Variants in CASD1 observed in about 807,000 individuals in gnomAD.
CASD1 encodes N-acetylneuraminate (7)9-O-acetyltransferase.
A neutral mutation model predicts 100.0 loss-of-function variants in CASD1; 41 were observed. The ratio of observed to expected loss-of-function variants is 0.41; its 90% CI spans 0.32 to 0.53. The LOEUF (loss-of-function observed/expected upper bound fraction) is 0.53, where lower values mean the gene tolerates loss of function less well. CASD1 is among the 20% of genes least tolerant of loss of function. The pLI, the probability that CASD1 is intolerant of heterozygous loss-of-function variation, is 0.25. For synonymous variants in CASD1, 321 were observed against 315.6 expected, an observed-to-expected ratio of 1.02 and a Z score of -0.18; for missense variants, 774 against 948.7, an observed-to-expected ratio of 0.82 and a Z score of 2.42.
intron 16 of CASD1, 45 bp downstream of exon 16, chr7:94,552,472 A>G (rs1241300870): frequency 2.1e-6 from 3 of 1,463,040 alleles, no homozygotes; most frequent in Non-Finnish European, 2.8e-6. Context: ...AATTCTTGAT[A>G]AGAAAATGGT....
chr7:94,513,837 C>A (rs1447402466), intron 1 of CASD1, among the ~76,000 whole-genome samples: 1 of 152,072 alleles, frequency 6.6e-6, no homozygotes, highest in Non-Finnish European at 1.5e-5. Flanking sequence ...ATTTCATGTT[C>A]TAATCTCAAT....
chr7:94,630,705 C>T, the CASD1 span, among the ~76,000 whole-genome samples: 2 of 151,860 alleles, frequency 1.3e-5, no homozygotes, highest in South Asian at 4.1e-4. Context: ...GTCACTTCTA[C>T]GATCTCTTTT....
Position 94,537,598 on chromosome 7 carries a change from A to G in CASD1, c.970A>G (p.Ile324Val), listed in dbSNP as rs772250342. 3.7e-6 allele frequency: 6 copies of G among 1,613,696 alleles called. No homozygotes were observed. Among genetic ancestry groups the G allele is most frequent in the Non-Finnish European group, 4.2e-6 (5 of 1,179,838 alleles). The change falls in exon 9 of 18, where the codon ATT becomes GTT. Residue 324 changes from isoleucine to valine, a missense_variant. By Grantham distance (29) the Ile-to-Val change is conservative. Transcript: ENST00000297273. ...KLAACFFTLSIIGYLIFYIIH... is the reference protein window; with the variant it reads ...KLAACFFTLSVIGYLIFYIIH... ...AGCTGCTTGTTTTTTCACTTTATCT[A>G]TTATCGGATATTTAATTTTTTACAT...
intron 3 of CASD1, among the ~76,000 whole-genome samples, chr7:94,521,405 G>A (rs1309871092): frequency 6.6e-6 from 1 of 152,150 alleles, no homozygotes; most frequent in Non-Finnish European, 1.5e-5. Context: ...TGCACTTAGT[G>A]AAAAGACAGA....
the CASD1 span, chr7:94,603,564 C>T: frequency 1.0e-6 from 1 of 974,128 alleles, no homozygotes; most frequent in Non-Finnish European, 1.6e-6. Context: ...TAACTAGACT[C>T]ATCCCTGAGG....
At chr7:94,628,266 T>C in the CASD1 span, 1 of 1,610,300 alleles carries the variant, frequency 6.2e-7, no homozygotes, top group East Asian at 2.2e-5. Flanking sequence ...TCCATCACTA[T>C]ATGGTGTCCT....
At chr7:94,529,434 CATT>C (rs1414618563) in intron 5 of CASD1, among the ~76,000 whole-genome samples, 3 of 152,092 alleles carry the variant, frequency 2.0e-5, no homozygotes, top group African/African-American at 7.2e-5. Context: ...TTGTAAAACT[CATT>C]ATGGTTGTTG....
chr7:94,510,287 C>T (rs1793626127), intron 1 of CASD1, 70 bp downstream of exon 1: 4 of 1,194,970 alleles, frequency 3.3e-6, no homozygotes, highest in Middle Eastern at 6.1e-4. Context: ...GGAGGCCGCC[C>T]CCATCGCCCA....
chr7:94,547,559 A>G (rs1057051303), intron 13 of CASD1, among the ~76,000 whole-genome samples: 1 of 151,942 alleles, frequency 6.6e-6, no homozygotes, highest in Non-Finnish European at 1.5e-5. Context: ...TTCCATAACT[A>G]CATAGAGTAA....
intron 16 of CASD1, chr7:94,553,125 G>A (rs1182331009): frequency 6.3e-6 from 3 of 474,580 alleles, no homozygotes; most frequent in Admixed American, 2.4e-5. Context: ...CTTTGTTTAG[G>A]TCTCACATTC....
chr7:94,566,045 T>C, the CASD1 span, among the ~76,000 whole-genome samples: 1 of 152,180 alleles, frequency 6.6e-6, no homozygotes, highest in Non-Finnish European at 1.5e-5. Flanking sequence ...CCATGCCCAG[T>C]CATTGGCTGG....
At chr7:94,531,864 C>T (rs71562860) in intron 5 of CASD1, among the ~76,000 whole-genome samples, 12,008 of 151,922 alleles carry the variant, frequency 0.079, 717 homozygotes, top group East Asian at 0.23. Flanking sequence ...ACTTAAGTTC[C>T]GACTTACCTG....
the CASD1 span, among the ~76,000 whole-genome samples, chr7:94,582,214 T>C: frequency 6.6e-5 from 10 of 151,950 alleles, no homozygotes; most frequent in African/African-American, 2.4e-4. Context: ...ATCTCCAGAG[T>C]TTAAGTGATT....
chr7:94,545,420 G>T (rs989939188), intron 11 of CASD1, 125 bp from the exon 12 acceptor site: 2 of 616,982 alleles, frequency 3.2e-6, no homozygotes, highest in African/African-American at 1.8e-5. Context: ...ATATATACTT[G>T]TACAGTCATT....
intron 5 of CASD1, among the ~76,000 whole-genome samples, chr7:94,530,950 G>A (rs1190870954): frequency 6.6e-6 from 1 of 152,098 alleles, no homozygotes. Flanking sequence ...AACTTGCTAA[G>A]GTGGAATGAA....
intron 3 of CASD1, among the ~76,000 whole-genome samples, chr7:94,522,895 T>G (rs2116234249): frequency 6.6e-6 from 1 of 152,260 alleles, no homozygotes; most frequent in Middle Eastern, 3.4e-3. Context: ...TCTCCTGACC[T>G]CGTGATCCAC....
intron 6 of CASD1, among the ~76,000 whole-genome samples, 200 bp downstream of exon 6, chr7:94,533,449 T>C (rs1794949383): frequency 6.6e-6 from 1 of 152,188 alleles, no homozygotes. Context: ...GTGTTTTTTA[T>C]ATCTAAAATT....
chr7:94,621,741 C>T, the CASD1 span: 1 of 152,194 alleles, frequency 6.6e-6, no homozygotes, highest in Non-Finnish European at 1.5e-5. Context: ...TTATTCTGCT[C>T]ATTAAGTGTA....
At chr7:94,598,563 T>C in the CASD1 span, 1 of 576,578 alleles carries the variant, frequency 1.7e-6, no homozygotes, top group South Asian at 2.0e-5. Flanking sequence ...TGTAGTCTTG[T>C]TTGGATCAGT....
Sources: gnomAD v4.1 joint callset for allele counts (sites outside exome capture counted in the v4.1 genomes callset) on GRCh38, gnomAD v4.1.1 for gene constraint, MANE v1.5 for transcripts, NCBI Gene and HGNC (gene_info 2026-07-23, HGNC 2026-07-21) for gene names.